Variants in NKD1 observed in about 807,000 individuals in gnomAD.
The protein encoded by NKD1 is protein naked cuticle homolog 1.
NKD1 carries 21 observed loss-of-function variants against 56.0 expected under a neutral mutation model. The ratio of observed to expected loss-of-function variants is 0.38; its 90% confidence interval spans 0.27 to 0.54. The LOEUF is 0.54. Among genes scored for constraint, NKD1 ranks in the 20% least tolerant of loss-of-function variants. The probability of loss-of-function intolerance (pLI) is 0.82; values close to 1 mark genes in which losing one functional copy is unlikely to be tolerated. For missense variants in NKD1, 578 were observed against 642.7 expected (o/e 0.90, Z 1.09); for synonymous variants, 263 against 265.7 (o/e 0.99, Z 0.10).
At chr16:50,606,913 C>T in intron 3 of NKD1, 1 of 456,704 alleles carries the variant, frequency 2.2e-6, no homozygotes, top group Non-Finnish European at 4.4e-6. Flanking sequence ...TCTAATGATG[C>T]CACCTGTGTG....
rs1246679018 is a variant in NKD1 at position 50,646,820 on chromosome 16, G to A, written c.*13039G>A. ...GAGAGGGGCTCTAGGGGGCAGGTATGATCCTGAAGGGAAGACAGTGGGGTG... is the reference window on the plus strand; with the variant it reads ...GAGAGGGGCTCTAGGGGGCAGGTATAATCCTGAAGGGAAGACAGTGGGGTG... On this transcript the variant is annotated 3_prime_UTR_variant, in exon 10 of 10. Coordinates refer to ENST00000268459, the MANE Select transcript of NKD1 (RefSeq NM_033119.5). 1 of 152,250 alleles carries A rather than the reference G, an allele frequency of 6.6e-6. No homozygotes were observed. Among genetic ancestry groups the A allele is most frequent in the Non-Finnish European group, 1.5e-5 (1 of 68,076 alleles). The allele number at this position is 152,250 out of a possible 1,614,324, so 9.4% of individuals were successfully genotyped here.
intron 3 of NKD1, chr16:50,570,971 T>C (rs953574984): frequency 1.0e-6 from 1 of 985,276 alleles, no homozygotes; most frequent in Admixed American, 6.2e-5. Context: ...GGCTGGCTGG[T>C]GGTATCCTTC....
At chr16:50,611,769 T>G (rs1472417945) in intron 4 of NKD1, among the ~76,000 whole-genome samples, 1 of 152,214 alleles carries the variant, frequency 6.6e-6, no homozygotes, top group Non-Finnish European at 1.5e-5. Context: ...CTGTGTGACC[T>G]TGGGTGAGTC....
intron 4 of NKD1, among the ~76,000 whole-genome samples, chr16:50,617,085 G>T (rs1207793738): frequency 1.3e-5 from 2 of 152,180 alleles, no homozygotes; most frequent in Non-Finnish European, 1.5e-5. Context: ...GGGCTGGGTG[G>T]GCTGTGCCAT....
At chr16:50,600,128 A>G (rs547860502) in intron 3 of NKD1, among the ~76,000 whole-genome samples, 1 of 152,186 alleles carries the variant, frequency 6.6e-6, no homozygotes, top group Admixed American at 6.5e-5. Context: ...TTCCGAAAGC[A>G]TGGTTCAATG....
intron 3 of NKD1, among the ~76,000 whole-genome samples, chr16:50,580,478 CAA>C (rs1961094281): frequency 1.3e-5 from 2 of 152,226 alleles, no homozygotes; most frequent in African/African-American, 2.4e-5. Context: ...AGAAAGCACT[CAA>C]GAGAATAAGG....
intron 3 of NKD1, among the ~76,000 whole-genome samples, chr16:50,593,796 G>A (rs1208403658): frequency 6.6e-6 from 1 of 152,134 alleles, no homozygotes; most frequent in African/African-American, 2.4e-5. Flanking sequence ...AATACTACAT[G>A]GGACATACTT....
chr16:50,581,757 T>TACAA (rs1961121014), intron 3 of NKD1, among the ~76,000 whole-genome samples: 1 of 152,232 alleles, frequency 6.6e-6, no homozygotes, highest in Non-Finnish European at 1.5e-5. Flanking sequence ...GATGAGGTGC[T>TACAA]GTCTTGTAGC....
In NKD1 at chr16:50,598,258, T is replaced by TGC. The variant is rs1342754863; in HGVS notation, c.193-10035_193-10034insCG. 6.4e-5 allele frequency among the ~76,000 whole-genome samples: 9 copies of TGC among 139,802 alleles called. No homozygotes were observed. Among genetic ancestry groups the TGC allele is most frequent in the African/African-American group, 2.4e-4 (8 of 33,988 alleles). 91.7% of individuals were successfully genotyped at this position (139,802 alleles called of 152,430 possible). On this transcript the variant is annotated intron_variant, in intron 3 of 9. Transcript: ENST00000268459. This position sits in a 1 kb window ranked among gnomAD's most constrained non-coding sequence, Gnocchi z 4.2. ...GTGTGTGTGTGTGTGTGTGTGTGTGTGTGTGCGCGCACACCTGTGCTCATG... is the reference window on the plus strand; with the variant it reads ...GTGTGTGTGTGTGTGTGTGTGTGTGTGCGTGTGCGCGCACACCTGTGCTCATG...
chr16:50,572,928 G>C, intron 3 of NKD1: 1 of 964,556 alleles, frequency 1.0e-6, no homozygotes, highest in Non-Finnish European at 1.2e-6. Flanking sequence ...GAGGGTGGGA[G>C]AGTGGGCTCT....
chr16:50,567,016 T>TCCC, intron 3 of NKD1, among the ~76,000 whole-genome samples: 1 of 139,762 alleles, frequency 7.2e-6, no homozygotes, highest in Non-Finnish European at 1.6e-5. Context: ...CCCCCCCCCT[T>TCCC]TTTTTTTAAG....
At chr16:50,631,087 A>G (rs990431045) in intron 8 of NKD1, among the ~76,000 whole-genome samples, 177 bp downstream of exon 8, 1 of 152,178 alleles carries the variant, frequency 6.6e-6, no homozygotes, top group Admixed American at 6.5e-5. Flanking sequence ...TGTAGTCCAC[A>G]TCCTTTTATG....
chr16:50,577,107 G>A (rs1339656855), intron 3 of NKD1, among the ~76,000 whole-genome samples: 1 of 152,194 alleles, frequency 6.6e-6, no homozygotes, highest in African/African-American at 2.4e-5. Context: ...GTTGGTGGAA[G>A]GAATAGGGTC....
intron 5 of NKD1, chr16:50,625,185 T>C (rs1962181716): frequency 4.7e-6 from 2 of 427,810 alleles, no homozygotes; most frequent in African/African-American, 4.0e-5. Flanking sequence ...AAGTTCAGCT[T>C]TTCTGAGGCC....
At chr16:50,613,303 A>G (rs1961888318) in intron 4 of NKD1, among the ~76,000 whole-genome samples, 1 of 152,126 alleles carries the variant, frequency 6.6e-6, no homozygotes, top group Non-Finnish European at 1.5e-5. Context: ...GAGCGAGTCA[A>G]GACTTCTCAG....
At chr16:50,590,225 T>G (rs535522765) in intron 3 of NKD1, among the ~76,000 whole-genome samples, 2 of 152,324 alleles carry the variant, frequency 1.3e-5, no homozygotes, top group South Asian at 4.1e-4. Flanking sequence ...AGGCCCAACC[T>G]TTTCCAGAAC....
intron 3 of NKD1, among the ~76,000 whole-genome samples, chr16:50,567,501 G>T (rs984589205): frequency 3.9e-4 from 59 of 152,334 alleles, no homozygotes; most frequent in African/African-American, 1.4e-3. Flanking sequence ...GGTTTCAGGG[G>T]CTTCTCTAGG....
chr16:50,550,867 C>T (rs759596033), intron 3 of NKD1, among the ~76,000 whole-genome samples: 1 of 152,182 alleles, frequency 6.6e-6, no homozygotes, highest in East Asian at 1.9e-4. Flanking sequence ...GAGTGGATTT[C>T]CATTAATCAA....
chr16:50,643,325 T>G lies in NKD1; in HGVS notation c.*9544T>G, dbSNP rs1472915077. On this transcript the variant is annotated 3_prime_UTR_variant, in exon 10 of 10. Transcript: ENST00000268459. ...TACCTAACTTGTGGCTAATGCATGG[T>G]AGGATTAAACATAAGCCTGACATAT... The G allele has an allele frequency of 6.6e-6, 1 of 152,190 alleles. No individual in the cohort carries two copies. The highest frequency in any genetic ancestry group is 1.9e-4 in the East Asian group (1 of 5,200). 9.4% of individuals were successfully genotyped at this position (152,190 alleles called of 1,614,324 possible).
Sources: gnomAD v4.1 joint callset for allele counts (sites outside exome capture counted in the v4.1 genomes callset) on GRCh38, gnomAD v4.1.1 for gene constraint, Gnocchi (gnomAD v3.1) non-coding constraint, MANE v1.5 for transcripts, NCBI Gene and HGNC (gene_info 2026-07-23, HGNC 2026-07-21) for gene names.